Variants in KIF3C observed in about 807,000 individuals in gnomAD.
KIF3C encodes the protein kinesin family member 3C.
In KIF3C, 12 loss-of-function variants were observed where a neutral mutation model predicts 67.7. The ratio of observed to expected loss-of-function variants is 0.18; its 90% CI spans 0.11 to 0.29. The LOEUF (loss-of-function observed/expected upper bound fraction) is 0.29, where lower values mean the gene tolerates loss of function less well. Among genes scored for constraint, KIF3C ranks in the 10% least tolerant of loss-of-function variants. The pLI, the probability that KIF3C is intolerant of heterozygous loss-of-function variation, is 1.00. For synonymous variants in KIF3C, 393 were observed against 426.2 expected, an observed-to-expected ratio of 0.92 and a Z score of 0.96; for missense variants, 789 against 1,059.6, an observed-to-expected ratio of 0.74 and a Z score of 3.55.
At chr2:25,945,613 T>C (rs1390237477) in intron 5 of KIF3C, among the ~76,000 whole-genome samples, 1 of 145,576 alleles carries the variant, frequency 6.9e-6, no homozygotes, top group Non-Finnish European at 1.5e-5. Flanking sequence ...GCCAGTTGCA[T>C]GCAGTGGCTC....
intron 5 of KIF3C, among the ~76,000 whole-genome samples, chr2:25,948,090 C>T (rs887784609): frequency 1.3e-5 from 2 of 152,072 alleles, no homozygotes; most frequent in Admixed American, 6.6e-5. Context: ...GCCATGGTGG[C>T]GACTGCCTGC....
At chr2:25,959,997 G>A (rs766328233) in intron 1 of KIF3C, among the ~76,000 whole-genome samples, 1 of 152,152 alleles carries the variant, frequency 6.6e-6, no homozygotes, top group African/African-American at 2.4e-5. Context: ...TCAACCCTGA[G>A]ACCCTTCATT....
chr2:25,943,051 A>G (rs1045150637), intron 5 of KIF3C, among the ~76,000 whole-genome samples: 4 of 152,230 alleles, frequency 2.6e-5, no homozygotes, highest in African/African-American at 9.6e-5. Context: ...AGCAGCTCTT[A>G]GTGTTCTCAT....
chr2:25,979,467 A>G (rs1178958447), intron 1 of KIF3C, among the ~76,000 whole-genome samples: 2 of 152,122 alleles, frequency 1.3e-5, no homozygotes, highest in African/African-American at 4.8e-5. Flanking sequence ...AGCCTCAGAG[A>G]TCACCCAGGC....
In KIF3C at chr2:25,975,020, C is replaced by T. The variant is rs375583911; in HGVS notation, c.1545+5353G>A. 1.0e-3 allele frequency among the ~76,000 whole-genome samples: 89 copies of T among 88,864 alleles called. No individual in the cohort carries two copies. The East Asian group carries it at 0.014, about 14-fold the overall frequency. The allele number at this position is 88,864 out of a possible 152,430, so 58.3% of individuals were successfully genotyped here. ...CAGCCTGGGCAACAAAAGTGAAACT[C>T]CATCTCAAAAAAAAAAAAAATGAGA... On this transcript the variant is annotated intron_variant, in intron 1 of 7. Coordinates refer to ENST00000264712, the MANE Select transcript of KIF3C (RefSeq NM_002254.8).
intron 5 of KIF3C, among the ~76,000 whole-genome samples, chr2:25,932,757 C>T (rs749921054): frequency 2.6e-5 from 4 of 151,378 alleles, no homozygotes; most frequent in Non-Finnish European, 4.4e-5. Flanking sequence ...TGCTTGAACC[C>T]GGGAGGCAGA....
rs186787933 is a variant in KIF3C at position 25,973,864 on chromosome 2, T to C, written c.1545+6509A>G. On this transcript the variant is annotated intron_variant, in intron 1 of 7. Coordinates refer to ENST00000264712, the MANE Select transcript of KIF3C (RefSeq NM_002254.8). ...GGTTTTCCTATTGGAGTAACCGGCT[T>C]GGGCAGGCAAGATAGAAGAGATGCA... Among the ~76,000 whole-genome samples, 80 of 152,264 alleles carry C rather than the reference T, an allele frequency of 5.3e-4. 2 individuals are homozygous for C. The East Asian group carries it at 0.014, about 26-fold the overall frequency.
chr2:25,936,160 C>T (rs1289618063), intron 5 of KIF3C, among the ~76,000 whole-genome samples: 1 of 151,498 alleles, frequency 6.6e-6, no homozygotes, highest in Non-Finnish European at 1.5e-5. Flanking sequence ...AAGACTGCCA[C>T]AATATATTAA....
chr2:25,965,951 C>T (rs1367934317), intron 1 of KIF3C, among the ~76,000 whole-genome samples: 2 of 151,998 alleles, frequency 1.3e-5, no homozygotes, highest in Admixed American at 6.6e-5. Context: ...TCCAGGGCAC[C>T]ATAGTCTCTC....
chr2:25,947,161 T>C (rs1574484176), intron 5 of KIF3C, among the ~76,000 whole-genome samples: 1 of 151,780 alleles, frequency 6.6e-6, no homozygotes, highest in Non-Finnish European at 1.5e-5. Flanking sequence ...TTAGAATCCT[T>C]TAATAAAGAG....
chr2:25,973,890 T>A (rs934660296), intron 1 of KIF3C, among the ~76,000 whole-genome samples: 3 of 152,172 alleles, frequency 2.0e-5, no homozygotes, highest in African/African-American at 7.2e-5. Context: ...AAGAGATGCA[T>A]TGCAGTCAGA....
rs780384270 is a variant in KIF3C, at chr2:25,929,086, A to G, written c.2289-15T>C. The G allele has an allele frequency of 1.2e-5, 19 of 1,608,360 alleles. No individual in the cohort carries two copies. Among genetic ancestry groups the G allele is most frequent in the Middle Eastern group, 1.7e-4 (1 of 6,056 alleles). ...GACTCTGGCACCTGCAGGGGAGATG[A>G]CGCAGGCGAAAGGGGAGGTTAGGGA... is the stretch of plus-strand genomic sequence containing the variant. On this transcript the variant is annotated splice_polypyrimidine_tract_variant and intron_variant, in intron 7 of 7. Transcript: ENST00000264712.
In KIF3C at chr2:25,982,006, G is replaced by T. The variant is rs976472611; in HGVS notation, c.-89C>A. The stretch of plus-strand genomic sequence containing the variant: ...TCGCTAGGTCGGGATCAGCGGGGCC[G>T]GCCCAGCCCCCAGGCGCAGCTCTTC... On this transcript the variant is annotated 5_prime_UTR_variant, in exon 1 of 8. Transcript: ENST00000264712. 3.0e-5 allele frequency: 33 copies of T among 1,103,474 alleles called. No homozygotes were observed. The highest frequency in any genetic ancestry group is 4.0e-5 in the Non-Finnish European group (32 of 792,048). 68.4% of individuals were successfully genotyped at this position (1,103,474 alleles called of 1,614,324 possible).
In KIF3C at chr2:25,955,558, T is replaced by A; in HGVS notation, c.1753A>T (p.Thr585Ser). 6.2e-7 allele frequency: 1 copy of A among 1,613,968 alleles called. No individual in the cohort carries two copies. The highest frequency in any genetic ancestry group is 8.5e-7 in the Non-Finnish European group (1 of 1,179,946). The change falls in exon 3 of 8, where the codon ACC becomes TCC. Residue 585 changes from threonine (T) to serine (S), a missense_variant. By Grantham distance (58) the Thr-to-Ser change is moderately conservative (BLOSUM62 1). Around this residue, in one of 2 missense-constraint regions of KIF3C, gnomAD observed 648 missense variants for 807.8 expected, o/e 0.80. Transcript: ENST00000264712. The surrounding 1 kb of genome is among the most constrained non-coding windows in gnomAD (Gnocchi z 5.0). Reference sequence around the variant, plus strand: ...CGTCTCACCTTCTTGAGTTTCTTGGTTTTGACCTCCACCTCCTGCTGCAGG... The same window carrying A: ...CGTCTCACCTTCTTGAGTTTCTTGGATTTGACCTCCACCTCCTGCTGCAGG... ...TSLQQEVEVK[T>S]KKLKKLYAKL...
chr2:25,970,389 C>A (rs1187370670), intron 1 of KIF3C, among the ~76,000 whole-genome samples: 1 of 152,042 alleles, frequency 6.6e-6, no homozygotes, highest in Non-Finnish European at 1.5e-5. Flanking sequence ...CACATCAGGC[C>A]GGGCGCGGTG....
chr2:25,968,221 A>G (rs1044727459), intron 1 of KIF3C, among the ~76,000 whole-genome samples: 10 of 152,242 alleles, frequency 6.6e-5, no homozygotes, highest in Non-Finnish European at 1.2e-4. Flanking sequence ...AAAAATCAGG[A>G]GACTGAGTCT....
chr2:25,940,230 T>C (rs1465283130), intron 5 of KIF3C, among the ~76,000 whole-genome samples: 1 of 152,118 alleles, frequency 6.6e-6, no homozygotes, highest in Non-Finnish European at 1.5e-5. Flanking sequence ...CATATTGTTA[T>C]CCCCACTTTA....
At chr2:25,956,017 T>A (rs1360315759) in intron 2 of KIF3C, among the ~76,000 whole-genome samples, 2 of 152,316 alleles carry the variant, frequency 1.3e-5, no homozygotes, top group East Asian at 3.9e-4. Flanking sequence ...CAACAAACTG[T>A]GGCTCTTGAT....
At position 25,929,011 on chromosome 2, in the gene KIF3C, A is replaced by G; in HGVS notation, c.2349T>C (p.Ser783=). 6.2e-7 allele frequency: 1 copy of G among 1,613,832 alleles called. No homozygotes were observed. Among genetic ancestry groups the G allele is most frequent in the Middle Eastern group, 1.7e-4 (1 of 5,992 alleles). The change falls in exon 8 of 8, where the codon TCT becomes TCC. Residue 783 remains serine, a synonymous_variant. Transcript: ENST00000264712. ...GGTCCGCCACTGTTGCAGGGCGCAGAGAAGCAGAGGCCAGGGAGGCATGTG... is the reference window on the plus strand; with the variant it reads ...GGTCCGCCACTGTTGCAGGGCGCAGGGAAGCAGAGGCCAGGGAGGCATGTG... ...STTHASLASA[S]LRPATVADHE is the part of the protein sequence containing the mutation.
Sources: allele counts gnomAD v4.1 joint callset (sites outside exome capture counted in the v4.1 genomes callset), GRCh38; gene constraint gnomAD v4.1.1; regional missense constraint gnomAD v4.1.1; non-coding constraint Gnocchi (gnomAD v3.1); transcripts MANE v1.5; gene names NCBI Gene and HGNC (gene_info 2026-07-23, HGNC 2026-07-21).